The following WDPCP variants were observed in gnomAD, a reference collection of about 807,000 sequenced individuals.
The protein encoded by WDPCP is WD repeat-containing and planar cell polarity effector protein fritz homolog.
WDPCP carries 71 observed loss-of-function variants against 93.1 expected under a neutral mutation model. The ratio of observed to expected loss-of-function variants is 0.76; its 90% confidence interval spans 0.63 to 0.93. The LOEUF (loss-of-function observed/expected upper bound fraction) is 0.93. WDPCP is among the 40% of genes least tolerant of loss of function. The pLI, the probability that WDPCP is intolerant of heterozygous loss-of-function variation, is 0.00. For synonymous variants in WDPCP, 315 were observed against 315.0 expected, an observed-to-expected ratio of 1.00 and a Z score of 0.00; for missense variants, 844 against 887.4, an observed-to-expected ratio of 0.95 and a Z score of 0.62.
intron 15 of WDPCP, among the ~76,000 whole-genome samples, chr2:63,158,714 G>A (rs1454694636): frequency 6.6e-6 from 1 of 151,888 alleles, no homozygotes; most frequent in Non-Finnish European, 1.5e-5. Context: ...AGGTCCCTCG[G>A]TTCATTTTTT....
chr2:63,694,429 C>A (rs990975972), intron 2 of WDPCP, among the ~76,000 whole-genome samples: 2 of 151,944 alleles, frequency 1.3e-5, no homozygotes, highest in African/African-American at 4.8e-5. Context: ...TATTGTAGGA[C>A]ATGTATTTAT....
intron 6 of WDPCP, among the ~76,000 whole-genome samples, chr2:63,473,190 G>A (rs1292485797): frequency 1.3e-5 from 2 of 152,156 alleles, no homozygotes; most frequent in African/African-American, 4.8e-5. Flanking sequence ...ACATCAGTAT[G>A]TATACGTTTT....
chr2:63,831,863 T>C (rs550791808), upstream of WDPCP, among the ~76,000 whole-genome samples: 1 of 152,252 alleles, frequency 6.6e-6, no homozygotes, highest in Non-Finnish European at 1.5e-5. Flanking sequence ...AGGAGATCTC[T>C]TCCTCAGAAG....
rs377385865 is a variant in WDPCP at position 63,356,325 on chromosome 2, T to C, written c.1748+22061A>G. On this transcript the variant is annotated intron_variant, in intron 12 of 17. Coordinates refer to ENST00000272321, the MANE Select transcript of WDPCP (RefSeq NM_015910.7). ...AGAGAAATAGACTCCCACACAATAA[T>C]AGTGGGACACTTCAACACTCCACTA... 4.5e-4 allele frequency among the ~76,000 whole-genome samples: 69 copies of C among 152,264 alleles called. 3 individuals are homozygous for C. The South Asian group carries it at 0.014, about 31-fold the overall frequency.
Position 63,322,789 on chromosome 2 carries a change from T to A in WDPCP, c.1749-9478A>T, listed in dbSNP as rs1420496054. Among the ~76,000 whole-genome samples the A allele has an allele frequency of 2.0e-5, 3 of 152,060 alleles. No individual in the cohort carries two copies. In the East Asian group the frequency reaches 5.8e-4, roughly 29 times the overall value. On this transcript the variant is annotated intron_variant, in intron 12 of 17. Coordinates refer to ENST00000272321, the MANE Select transcript of WDPCP (RefSeq NM_015910.7). ...TGGCGACCCAGATGGGACCATCGCCTATCGCCAAGAAGTGAGACTATCGCC... is the reference window on the plus strand; with the variant it reads ...TGGCGACCCAGATGGGACCATCGCCAATCGCCAAGAAGTGAGACTATCGCC...
intron 13 of WDPCP, among the ~76,000 whole-genome samples, chr2:63,305,155 G>A (rs553379097): frequency 2.0e-5 from 3 of 152,138 alleles, no homozygotes; most frequent in African/African-American, 2.4e-5. Flanking sequence ...GGGAAAGGGC[G>A]ACTTTGGGCA....
chr2:63,836,678 G>T, the WDPCP span, among the ~76,000 whole-genome samples: 3 of 152,118 alleles, frequency 2.0e-5, no homozygotes, highest in African/African-American at 7.2e-5. Flanking sequence ...CATCAAAGGG[G>T]CGGACACAAT....
At chr2:63,819,848 T>C (rs1050323686) in intron 1 of WDPCP, among the ~76,000 whole-genome samples, 1 of 152,262 alleles carries the variant, frequency 6.6e-6, no homozygotes, top group South Asian at 2.1e-4. Context: ...GGCCCCCTTT[T>C]CCTCTTAGAC....
At chr2:63,186,407 C>A (rs1344304731) in intron 14 of WDPCP, among the ~76,000 whole-genome samples, 1 of 152,232 alleles carries the variant, frequency 6.6e-6, no homozygotes, top group African/African-American at 2.4e-5. Context: ...ATCTCTAATG[C>A]CCATGGCTAC....
At chr2:63,779,801 C>T (rs1009769971) in intron 2 of WDPCP, among the ~76,000 whole-genome samples, 2 of 152,090 alleles carry the variant, frequency 1.3e-5, no homozygotes, top group African/African-American at 4.8e-5. Flanking sequence ...TTAAAAAAAC[C>T]CTTAAACCTC....
chr2:63,459,612 G>A (rs1055287685), intron 6 of WDPCP, among the ~76,000 whole-genome samples: 3 of 152,124 alleles, frequency 2.0e-5, no homozygotes, highest in Non-Finnish European at 4.4e-5. Context: ...ATAGTATGGA[G>A]ATTTATCAAA....
At chr2:63,502,112 G>C (rs534224628) in intron 1 of WDPCP, among the ~76,000 whole-genome samples, 4 of 152,100 alleles carry the variant, frequency 2.6e-5, no homozygotes, top group Admixed American at 2.6e-4. Flanking sequence ...CTTACAACAC[G>C]TGCACACCCA....
intron 10 of WDPCP, among the ~76,000 whole-genome samples, chr2:63,394,734 G>A (rs1383135337): frequency 6.6e-6 from 1 of 152,102 alleles, no homozygotes; most frequent in Non-Finnish European, 1.5e-5. Flanking sequence ...GATATGCTCT[G>A]CAGCAAGATG....
chr2:63,651,454 AACAC>A (rs140128523), intron 2 of WDPCP, among the ~76,000 whole-genome samples: 1 of 147,678 alleles, frequency 6.8e-6, no homozygotes, highest in Non-Finnish European at 1.5e-5. Context: ...ATGTGTGTAC[AACAC>A]ACACACACAC....
At chr2:63,684,367 G>A (rs1668776056) in intron 2 of WDPCP, 1 of 709,184 alleles carries the variant, frequency 1.4e-6, no homozygotes, top group Non-Finnish European at 2.6e-6. Context: ...TACTCTGGAC[G>A]CAAAGCCATC....
chr2:63,202,511 T>C (rs1675995230), intron 14 of WDPCP, among the ~76,000 whole-genome samples: 1 of 152,140 alleles, frequency 6.6e-6, no homozygotes, highest in African/African-American at 2.4e-5. Flanking sequence ...TTCTATTTCC[T>C]CCATAATTTT....
At chr2:63,190,007 C>T (rs1186249591) in intron 14 of WDPCP, among the ~76,000 whole-genome samples, 1 of 152,056 alleles carries the variant, frequency 6.6e-6, no homozygotes, top group African/African-American at 2.4e-5. Flanking sequence ...CTATTTTGTG[C>T]AGATATCTTT....
chr2:63,221,298 G>A (rs1260804709), intron 14 of WDPCP, among the ~76,000 whole-genome samples: 1 of 152,188 alleles, frequency 6.6e-6, no homozygotes, highest in African/African-American at 2.4e-5. Context: ...AATTCTTCCA[G>A]CTAAAGCAGC....
intron 14 of WDPCP, among the ~76,000 whole-genome samples, chr2:63,213,557 A>C (rs879333830): frequency 3.9e-5 from 6 of 152,214 alleles, no homozygotes; most frequent in Non-Finnish European, 8.8e-5. Context: ...CATCACAATT[A>C]AACGAACTAG....
Sources: gnomAD v4.1 joint callset for allele counts (sites outside exome capture counted in the v4.1 genomes callset) on GRCh38, gnomAD v4.1.1 for gene constraint, MANE v1.5 for transcripts, NCBI Gene and HGNC (gene_info 2026-07-23, HGNC 2026-07-21) for gene names.